The following CSMD1 variants were observed in gnomAD, a reference collection of about 807,000 sequenced individuals.
CSMD1 encodes CUB and sushi domain-containing protein 1.
In CSMD1, 213 loss-of-function variants were observed where a neutral mutation model predicts 417.5. The observed-to-expected ratio is 0.51, with a 90% CI of 0.46 to 0.57. The LOEUF (loss-of-function observed/expected upper bound fraction) is 0.57, where lower values mean the gene tolerates loss of function less well. CSMD1 is among the 20% of genes least tolerant of loss of function. The probability of loss-of-function intolerance (pLI) is 0.00; values close to 1 mark genes in which losing one functional copy is unlikely to be tolerated. For missense variants in CSMD1, 6,923 were observed against 4,529.7 expected, an observed-to-expected ratio of 1.53 and a Z score of -15.17; for synonymous variants, 2,862 against 1,736.8, an observed-to-expected ratio of 1.65 and a Z score of -16.11.
At chr8:3,028,727 T>C (rs2128976126) in intron 51 of CSMD1, among the ~76,000 whole-genome samples, 1 of 152,364 alleles carries the variant, frequency 6.6e-6, no homozygotes, top group Middle Eastern at 3.4e-3. Context: ...AATTATACAC[T>C]ATTCTACTTG....
At chr8:4,191,878 A>C (rs1267447088) in intron 3 of CSMD1, among the ~76,000 whole-genome samples, 1 of 152,138 alleles carries the variant, frequency 6.6e-6, no homozygotes, top group Non-Finnish European at 1.5e-5. Flanking sequence ...CAACATCAAA[A>C]TTTGACAACA....
At chr8:3,814,166 G>T (rs1354849096) in intron 5 of CSMD1, among the ~76,000 whole-genome samples, 1 of 152,174 alleles carries the variant, frequency 6.6e-6, no homozygotes, top group Non-Finnish European at 1.5e-5. Flanking sequence ...CCCCAGCGTG[G>T]AAGTCAAGAT....
intron 3 of CSMD1, among the ~76,000 whole-genome samples, chr8:4,236,050 T>TTTG (rs1802036181): frequency 2.4e-5 from 1 of 41,132 alleles, no homozygotes; most frequent in Non-Finnish European, 8.0e-5. Flanking sequence ...TTTTTTTTTT[T>TTTG]TTTTTTTTTT....
intron 3 of CSMD1, among the ~76,000 whole-genome samples, chr8:4,346,854 C>G (rs1292346794): frequency 1.3e-5 from 2 of 152,186 alleles, no homozygotes; most frequent in South Asian, 4.1e-4. Context: ...CTGAGGCCAT[C>G]TCCACCTCTC....
intron 2 of CSMD1, among the ~76,000 whole-genome samples, chr8:4,433,616 A>C (rs1797991634): frequency 6.6e-6 from 1 of 152,206 alleles, no homozygotes; most frequent in African/African-American, 2.4e-5. Flanking sequence ...CAAATTTGAT[A>C]AAGCCAGTTT....
At chr8:3,619,251 A>C (rs1344613035) in intron 7 of CSMD1, among the ~76,000 whole-genome samples, 1 of 152,180 alleles carries the variant, frequency 6.6e-6, no homozygotes, top group Non-Finnish European at 1.5e-5. Flanking sequence ...TGTACCCCCC[A>C]AAAACGTGAA....
intron 25 of CSMD1, among the ~76,000 whole-genome samples, chr8:3,299,918 G>A (rs148142943): frequency 3.3e-3 from 497 of 152,270 alleles, no homozygotes; most frequent in Admixed American, 6.2e-3. Flanking sequence ...CCTTTTAGAG[G>A]CAATTTGGTA....
chr8:4,920,871 GA>G, intron 1 of CSMD1, among the ~76,000 whole-genome samples: 2 of 8,610 alleles, frequency 2.3e-4, no homozygotes, highest in African/African-American at 4.8e-4. Flanking sequence ...GAAAAGAAAA[GA>G]AAAGAAAAGA....
intron 54 of CSMD1, among the ~76,000 whole-genome samples, chr8:2,986,472 T>C (rs1585097615): frequency 1.3e-5 from 2 of 152,248 alleles, no homozygotes; most frequent in South Asian, 4.1e-4. Context: ...CTCTAAGGCC[T>C]ACACAGATAT....
At chr8:4,432,008 A>T (rs1221389655) in intron 2 of CSMD1, among the ~76,000 whole-genome samples, 1 of 152,202 alleles carries the variant, frequency 6.6e-6, no homozygotes, top group Non-Finnish European at 1.5e-5. Flanking sequence ...TTGTCAATGT[A>T]TTCTCAAAAG....
At chr8:3,843,834 G>C in intron 5 of CSMD1, among the ~76,000 whole-genome samples, 1 of 152,124 alleles carries the variant, frequency 6.6e-6, no homozygotes, top group East Asian at 1.9e-4. Context: ...GAATCAAATG[G>C]ATATAATGTA....
At chr8:3,221,616 A>G (rs958885394) in intron 28 of CSMD1, among the ~76,000 whole-genome samples, 6 of 152,054 alleles carry the variant, frequency 3.9e-5, no homozygotes, top group African/African-American at 1.4e-4. Flanking sequence ...ATTCATGCGT[A>G]GAAGTCTGGA....
intron 5 of CSMD1, among the ~76,000 whole-genome samples, chr8:3,996,376 C>G (rs955331572): frequency 1.3e-5 from 2 of 152,130 alleles, no homozygotes; most frequent in African/African-American, 4.8e-5. Context: ...GGTGAGATCA[C>G]TTGAATATCT....
At chr8:3,388,393 A>T (rs1437885234) in intron 17 of CSMD1, among the ~76,000 whole-genome samples, 1 of 146,106 alleles carries the variant, frequency 6.8e-6, no homozygotes, top group African/African-American at 2.4e-5. Flanking sequence ...TTAAGAGCTA[A>T]GGAAAATGAG....
intron 1 of CSMD1, among the ~76,000 whole-genome samples, chr8:4,812,810 C>T (rs1442146027): frequency 6.6e-6 from 1 of 152,192 alleles, no homozygotes; most frequent in Non-Finnish European, 1.5e-5. Flanking sequence ...GAGGAAAACA[C>T]ATTTCTAATA....
At chr8:4,522,926 G>C (rs756270875) in intron 2 of CSMD1, among the ~76,000 whole-genome samples, 3 of 152,288 alleles carry the variant, frequency 2.0e-5, no homozygotes, top group East Asian at 3.9e-4. Context: ...GGACATTGCT[G>C]TTATCCTTGC....
chr8:4,022,985 A>C (rs1013493739), intron 4 of CSMD1, among the ~76,000 whole-genome samples: 4 of 152,224 alleles, frequency 2.6e-5, no homozygotes, highest in African/African-American at 9.6e-5. Flanking sequence ...GCAGTATGGC[A>C]AAGATGGGAC....
intron 1 of CSMD1, among the ~76,000 whole-genome samples, chr8:4,677,317 A>C (rs1214764332): frequency 6.6e-6 from 1 of 151,896 alleles, no homozygotes; most frequent in Non-Finnish European, 1.5e-5. Flanking sequence ...ATTACAATAT[A>C]CAATTAGTTT....
intron 12 of CSMD1, among the ~76,000 whole-genome samples, chr8:3,454,222 G>C (rs749060780): frequency 6.6e-5 from 10 of 152,020 alleles, no homozygotes; most frequent in Non-Finnish European, 1.2e-4. Flanking sequence ...ACGTTAGATG[G>C]GTCTCCTGAA....
Sources: allele counts gnomAD v4.1 joint callset (sites outside exome capture counted in the v4.1 genomes callset), GRCh38; gene constraint gnomAD v4.1.1; transcripts MANE v1.5; gene names NCBI Gene and HGNC (gene_info 2026-07-23, HGNC 2026-07-21).